The following ADAM20 variants were observed in gnomAD, a reference collection of about 807,000 sequenced individuals.
The protein encoded by ADAM20 is ADAM metallopeptidase domain 20.
For missense variants in ADAM20, 871 were observed against 883.2 expected, an observed-to-expected ratio of 0.99 and a Z score of 0.18; for synonymous variants, 305 against 310.2, an observed-to-expected ratio of 0.98 and a Z score of 0.18.
At chr14:70,546,420 G>A in the ADAM20 span, among the ~76,000 whole-genome samples, 2 of 152,178 alleles carry the variant, frequency 1.3e-5, no homozygotes, top group African/African-American at 4.8e-5. Context: ...ATGTATGTAA[G>A]AAGTAGATTG....
the ADAM20 span, among the ~76,000 whole-genome samples, chr14:70,553,715 A>G: frequency 6.6e-6 from 1 of 151,496 alleles, no homozygotes; most frequent in Admixed American, 6.6e-5. Flanking sequence ...ACTGATGCTG[A>G]AAAGGCATTT....
At chr14:70,565,529 T>G in the ADAM20 span, among the ~76,000 whole-genome samples, 30 of 152,236 alleles carry the variant, frequency 2.0e-4, no homozygotes, top group Non-Finnish European at 4.3e-4. Flanking sequence ...AAGTGACTCA[T>G]TACAGGCAAA....
the ADAM20 span, among the ~76,000 whole-genome samples, chr14:70,561,940 T>TGTGGGATTGGAGTCCCCAC: frequency 2.0e-4 from 30 of 152,180 alleles, no homozygotes; most frequent in Non-Finnish European, 4.1e-4. Flanking sequence ...AGAGGGGAAA[T>TGTGGGATTGGAGTCCCCAC]GTGGGATTGG....
chr14:70,537,586 G>A (rs139635401), upstream of ADAM20, among the ~76,000 whole-genome samples: 260 of 152,232 alleles, frequency 1.7e-3, 3 homozygotes, highest in South Asian at 8.1e-3. Context: ...TCAGCTTGAC[G>A]TCCTCTTGAG....
At position 70,524,041 on chromosome 14, in the gene ADAM20, A is replaced by G; in HGVS notation, c.717T>C (p.Asn239=). 1 of 1,613,970 alleles carries G rather than the reference A, an allele frequency of 6.2e-7. No individual in the cohort carries two copies. The highest frequency in any genetic ancestry group is 8.5e-7 in the Non-Finnish European group (1 of 1,179,932). ...AAGGATGATAGAAGGAATCCACTAT[A>G]TTGACAACGTTAAATACTTCATGCT... ...TVQHEVFNVV[N]IVDSFYHPLE... is the part of the protein sequence containing the mutation. Residue 239 remains asparagine, a synonymous_variant, in exon 2 of 2, where the codon AAT becomes AAC. Coordinates refer to ENST00000256389, the MANE Select transcript of ADAM20 (RefSeq NM_003814.5).
the ADAM20 span, among the ~76,000 whole-genome samples, chr14:70,570,472 C>T: frequency 6.6e-6 from 1 of 152,048 alleles, no homozygotes; most frequent in African/African-American, 2.4e-5. Flanking sequence ...GAAAAAAGAT[C>T]ACCAGAGACT....
chr14:70,534,164 A>G (rs1195392656), intron 1 of ADAM20, among the ~76,000 whole-genome samples: 1 of 151,414 alleles, frequency 6.6e-6, no homozygotes, highest in Non-Finnish European at 1.5e-5. Context: ...CTTATCCTAA[A>G]TTATTTTATG....
At chr14:70,555,016 T>C in the ADAM20 span, among the ~76,000 whole-genome samples, 4 of 152,232 alleles carry the variant, frequency 2.6e-5, no homozygotes, top group East Asian at 1.9e-4. Context: ...CCTATGTAAA[T>C]GGAGAGGATG....
chr14:70,525,539 G>A (rs1421940099), intron 1 of ADAM20, among the ~76,000 whole-genome samples: 2 of 152,208 alleles, frequency 1.3e-5, no homozygotes, highest in Middle Eastern at 3.4e-3. Context: ...TCATTTTAAA[G>A]ACACTGGATT....
At chr14:70,530,735 C>G (rs1312367163) in intron 1 of ADAM20, among the ~76,000 whole-genome samples, 1 of 152,010 alleles carries the variant, frequency 6.6e-6, no homozygotes, top group Non-Finnish European at 1.5e-5. Context: ...TTAAACAACA[C>G]CAACCATTGG....
At position 70,524,864 on chromosome 14, in the gene ADAM20, C is replaced by T; in HGVS notation, c.-107G>A. 3.1e-6 allele frequency: 5 copies of T among 1,612,650 alleles called. No homozygotes were observed. The highest frequency in any genetic ancestry group is 4.2e-6 in the Non-Finnish European group (5 of 1,179,772). ...TGAGCTGTTCAGGGTGCATGGCTGA[C>T]CTTTAGGGATCTGGGGATCTGTGTC... On this transcript the variant is annotated 5_prime_UTR_variant, in exon 2 of 2. Transcript: ENST00000256389.
chr14:70,559,267 C>T, the ADAM20 span, among the ~76,000 whole-genome samples: 34 of 150,104 alleles, frequency 2.3e-4, no homozygotes, highest in African/African-American at 8.2e-4. Flanking sequence ...CTCTATCCTT[C>T]AAGTTGCCTA....
At chr14:70,547,354 G>C in the ADAM20 span, 2 of 152,802 alleles carry the variant, frequency 1.3e-5, no homozygotes, top group Non-Finnish European at 2.9e-5. Flanking sequence ...CGTGAGCGAC[G>C]CAGAAGACGG....
At position 70,522,892 on chromosome 14, in the gene ADAM20, A is replaced by G. The variant is rs746390691; in HGVS notation, c.1866T>C (p.Arg622=). ...TVCGPEKICI[R]KKCASMVHLS... ...GATGAACCATACTGGCACACTTCTT[A>G]CGGATGCAGATCTTTTCTGGACCAC... Residue 622 remains arginine (R), a synonymous_variant, in exon 2 of 2, where the codon CGT becomes CGC. Transcript: ENST00000256389. 14 of 1,614,046 alleles carry G rather than the reference A, an allele frequency of 8.7e-6. No individual in the cohort carries two copies. The highest frequency in any genetic ancestry group is 1.7e-5 in the Admixed American group (1 of 60,004).
At chr14:70,534,019 G>A (rs1434600657) in intron 1 of ADAM20, among the ~76,000 whole-genome samples, 2 of 142,792 alleles carry the variant, frequency 1.4e-5, no homozygotes, top group Non-Finnish European at 3.0e-5. Flanking sequence ...GGAGGCAGAG[G>A]TTGCAGTGAG....
In ADAM20 at chr14:70,522,400, A is replaced by G. The variant is rs1225169299; in HGVS notation, c.*177T>C. The G allele has an allele frequency of 1.5e-6, 1 of 657,204 alleles. No individual in the cohort carries two copies. Among genetic ancestry groups the G allele is most frequent in the Non-Finnish European group, 2.5e-6 (1 of 397,552 alleles). The allele number at this position is 657,204 out of a possible 1,614,324, so 40.7% of individuals were successfully genotyped here. ...TTTAATATTGCTTAAGACACTGTAG[A>G]GTAAGTAAGAATAGGCTAGGAATCC... On this transcript the variant is annotated 3_prime_UTR_variant, in exon 2 of 2. Transcript: ENST00000256389.
the ADAM20 span, among the ~76,000 whole-genome samples, chr14:70,561,990 G>A: frequency 6.6e-6 from 1 of 152,222 alleles, no homozygotes; most frequent in African/African-American, 2.4e-5. Context: ...CTGCCTAGTG[G>A]AACTGTGAGA....
upstream of ADAM20, among the ~76,000 whole-genome samples, chr14:70,535,952 T>C (rs1252050830): frequency 6.6e-6 from 1 of 152,214 alleles, no homozygotes; most frequent in African/African-American, 2.4e-5. Flanking sequence ...CAAAGTCTAC[T>C]TGTTGGTATA....
the ADAM20 span, among the ~76,000 whole-genome samples, chr14:70,562,401 A>G: frequency 6.6e-6 from 1 of 152,216 alleles, no homozygotes; most frequent in Admixed American, 6.5e-5. Context: ...CTTGTCTCAG[A>G]TGAGACTTTG....
Sources: allele counts gnomAD v4.1 joint callset (sites outside exome capture counted in the v4.1 genomes callset), GRCh38; gene constraint gnomAD v4.1.1; transcripts MANE v1.5; gene names NCBI Gene and HGNC (gene_info 2026-07-23, HGNC 2026-07-21).